The following RGP1 variants were observed in gnomAD, a reference collection of about 807,000 sequenced individuals.
RGP1 encodes RAB6A-GEF complex partner protein 2.
In RGP1, 28 loss-of-function variants were observed where a neutral mutation model predicts 44.5. The observed-to-expected ratio is 0.63, with a 90% CI of 0.47 to 0.86. RGP1 has a LOEUF of 0.86. Among genes scored for constraint, RGP1 ranks in the 40% least tolerant of loss-of-function variants. The probability of loss-of-function intolerance (pLI) is 0.00; values close to 1 mark genes in which losing one functional copy is unlikely to be tolerated. For synonymous variants in RGP1, 212 were observed against 196.7 expected, an observed-to-expected ratio of 1.08 and a Z score of -0.65; for missense variants, 417 against 490.7, an observed-to-expected ratio of 0.85 and a Z score of 1.42.
the RGP1 span, among the ~76,000 whole-genome samples, chr9:35,781,982 CGTT>C: frequency 8.2e-6 from 1 of 121,850 alleles, no homozygotes; most frequent in African/African-American, 3.2e-5. Context: ...TTATTTCTCT[CGTT>C]TTTTTTTTTT....
the RGP1 span, among the ~76,000 whole-genome samples, chr9:35,763,911 AAG>A: frequency 6.6e-6 from 1 of 150,678 alleles, no homozygotes; most frequent in Admixed American, 6.6e-5. Flanking sequence ...GAAAAGAGAA[AAG>A]AAAAAACTCA....
chr9:35,751,292 G>C lies in RGP1; in HGVS notation c.514G>C (p.Asp172His), dbSNP rs1006684816. 1.9e-6 allele frequency: 3 copies of C among 1,613,846 alleles called. No individual in the cohort carries two copies. The African/African-American group carries it at 4.0e-5, about 22-fold the overall frequency. The change falls in exon 6 of 9, where the codon GAT becomes CAT. Residue 172 changes from aspartate (D) to histidine (H), a missense_variant. By Grantham distance (81) the Asp-to-His change is moderately conservative. Transcript: ENST00000378078. ...CCTTCAGGATGTCCGGTTTCCCCAG[G>C]ATGAGGCTGTAGCCCCATCCAGTCC... Reference protein sequence around the residue: ...TGLQDVRFPQDEAVAPSSPFL... With the variant: ...TGLQDVRFPQHEAVAPSSPFL...
the RGP1 span, chr9:35,772,386 T>C: frequency 6.6e-6 from 1 of 152,130 alleles, no homozygotes; most frequent in Admixed American, 6.5e-5. Context: ...GGTAAGAGTT[T>C]TAAGTAGATG....
downstream of RGP1, among the ~76,000 whole-genome samples, chr9:35,760,163 G>T (rs752936052): frequency 2.0e-5 from 3 of 151,254 alleles, no homozygotes; most frequent in Admixed American, 6.6e-5. Context: ...GATTTCTGGG[G>T]TCTCAAAAGT....
At position 35,753,505 on chromosome 9, in the gene RGP1, C is replaced by G. The variant is rs1827307298; in HGVS notation, c.*631C>G. Reference sequence around the variant, plus strand: ...ACCTCCCCTGATTTATAGCCTGAAGCCTTATCTTTCACACTAGTGTTGGTC... The same window carrying G: ...ACCTCCCCTGATTTATAGCCTGAAGGCTTATCTTTCACACTAGTGTTGGTC... On this transcript the variant is annotated 3_prime_UTR_variant, in exon 9 of 9. Transcript: ENST00000378078. This position sits in a 1 kb window ranked among gnomAD's most constrained non-coding sequence, Gnocchi z 4.2. 5.2e-6 allele frequency: 4 copies of G among 776,344 alleles called. No individual in the cohort carries two copies. The highest frequency in any genetic ancestry group is 2.7e-4 in the Middle Eastern group (1 of 3,702). 48.1% of individuals were successfully genotyped at this position (776,344 alleles called of 1,614,324 possible). A position where few individuals can be genotyped will look rare whatever the true frequency, so the allele number is the denominator to read the frequency against.
the RGP1 span, among the ~76,000 whole-genome samples, chr9:35,768,830 A>G: frequency 2.6e-5 from 4 of 152,326 alleles, no homozygotes; most frequent in South Asian, 8.3e-4. Flanking sequence ...TATCTGAGAG[A>G]CTGAGCAGTT....
rs767407678 is a variant in RGP1 at position 35,749,815 on chromosome 9, G to A, written c.60G>A (p.Leu20=). The change falls in exon 2 of 9, where the codon CTG becomes CTA. Residue 20 remains leucine, a synonymous_variant. Transcript: ENST00000378078. The surrounding 1 kb of genome is among the most constrained non-coding windows in gnomAD (Gnocchi z 4.4). ...RGPVFLAGEA[L]ECVVTVTNPL... is the part of the protein sequence containing the mutation. ...CTGTATTTTTGGCTGGGGAGGCGCT[G>A]GAGTGTGTAGTGACCGTCACCAACC... is the stretch of plus-strand genomic sequence containing the variant. 6.2e-6 allele frequency: 10 copies of A among 1,613,968 alleles called. No homozygotes were observed. The highest frequency in any genetic ancestry group is 7.6e-6 in the Non-Finnish European group (9 of 1,179,840).
Position 35,755,257 on chromosome 9 carries a change from T to C in RGP1, c.*2383T>C, listed in dbSNP as rs1300601760. 1 of 152,244 alleles carries C rather than the reference T, an allele frequency of 6.6e-6. No individual in the cohort carries two copies. Among genetic ancestry groups the C allele is most frequent in the Non-Finnish European group, 1.5e-5 (1 of 68,058 alleles). 9.4% of individuals were successfully genotyped at this position (152,244 alleles called of 1,614,324 possible). A position where few individuals can be genotyped will look rare whatever the true frequency, so the allele number is the denominator to read the frequency against. On this transcript the variant is annotated 3_prime_UTR_variant, in exon 9 of 9. Transcript: ENST00000378078. ...GCTGTTATGAGGATTACTGAGATAA[T>C]GCGTGCAGTGCTCTTATCACCATCT...
Position 35,753,355 on chromosome 9 carries a change from C to G in RGP1, c.*481C>G. ...TTATCCCTGCCCACATGTTCCCTCT[C>G]TCACAGTTTTCCCCCCACAGAGCCC... On this transcript the variant is annotated 3_prime_UTR_variant, in exon 9 of 9. Coordinates refer to ENST00000378078, the MANE Select transcript of RGP1 (RefSeq NM_001080496.3). This position sits in a 1 kb window ranked among gnomAD's most constrained non-coding sequence, Gnocchi z 4.2. 6.6e-7 allele frequency: 1 copy of G among 1,512,392 alleles called. No homozygotes were observed. The highest frequency in any genetic ancestry group is 1.4e-5 in the African/African-American group (1 of 73,020). 93.7% of individuals were successfully genotyped at this position (1,512,392 alleles called of 1,614,324 possible).
Position 35,752,635 on chromosome 9 carries a change from T to C in RGP1, c.953-16T>C. ...CTAGCTTCTGATGCTTCTACCTTAA[T>C]CTTTTTCTTCCATAGTGTCCTTGAA... is the stretch of plus-strand genomic sequence containing the variant. On this transcript the variant is annotated splice_polypyrimidine_tract_variant and intron_variant, in intron 8 of 8. Transcript: ENST00000378078. 6.3e-7 allele frequency: 1 copy of C among 1,590,254 alleles called. No homozygotes were observed. Among genetic ancestry groups the C allele is most frequent in the Non-Finnish European group, 8.6e-7 (1 of 1,165,056 alleles).
chr9:35,769,139 AG>A, the RGP1 span, among the ~76,000 whole-genome samples: 1 of 152,260 alleles, frequency 6.6e-6, no homozygotes, highest in East Asian at 1.9e-4. Context: ...ACTCAGCTGC[AG>A]GGGCACTGCG....
the RGP1 span, among the ~76,000 whole-genome samples, chr9:35,777,273 G>A: frequency 6.6e-6 from 1 of 150,656 alleles, no homozygotes; most frequent in Non-Finnish European, 1.5e-5. Flanking sequence ...GGGACTACAG[G>A]TGCCCACCAC....
chr9:35,775,257 C>T, the RGP1 span, among the ~76,000 whole-genome samples: 1 of 152,164 alleles, frequency 6.6e-6, no homozygotes, highest in African/African-American at 2.4e-5. Context: ...AGAGAATTAG[C>T]TGGCTGTGAA....
intron 3 of RGP1, 112 bp downstream of exon 3, chr9:35,750,491 G>T (rs907879259): frequency 1.5e-6 from 2 of 1,375,398 alleles, no homozygotes; most frequent in Admixed American, 1.9e-5. Context: ...TCCCTGTCAT[G>T]CTGGGGATGT....
At chr9:35,751,796 G>A in intron 7 of RGP1, 42 bp downstream of exon 7, 2 of 1,613,112 alleles carry the variant, frequency 1.2e-6, no homozygotes, top group Non-Finnish European at 1.7e-6. Flanking sequence ...GGGTGCTGGG[G>A]TTGAAGGGCT....
At chr9:35,774,298 C>T in the RGP1 span, among the ~76,000 whole-genome samples, 1 of 152,230 alleles carries the variant, frequency 6.6e-6, no homozygotes, top group East Asian at 1.9e-4. Context: ...CTGTGCTCAG[C>T]TCTGGTCAGG....
chr9:35,751,733 A>G lies in RGP1; in HGVS notation c.741A>G (p.Glu247=). Residue 247 remains glutamate (E), a synonymous_variant, in exon 7 of 9, where the codon GAA becomes GAG. Transcript: ENST00000378078. ...TGGTGGGGACCTTAAACTTAGGGGAAGGAACCGTAGCTTGTTTGCAGGTAA... is the reference window on the plus strand; with the variant it reads ...TGGTGGGGACCTTAAACTTAGGGGAGGGAACCGTAGCTTGTTTGCAGGTAA... ...EDVVGTLNLG[E]GTVACLQFSV... 6.2e-7 allele frequency: 1 copy of G among 1,613,958 alleles called. No homozygotes were observed.
At chr9:35,769,411 G>T in the RGP1 span, among the ~76,000 whole-genome samples, 2 of 152,048 alleles carry the variant, frequency 1.3e-5, no homozygotes, top group African/African-American at 4.8e-5. Flanking sequence ...TATTGAGTCT[G>T]TTATGCCATG....
At chr9:35,759,603 A>ATTC (rs955582110), downstream of RGP1, among the ~76,000 whole-genome samples, 1 of 128,000 alleles carries the variant, frequency 7.8e-6, no homozygotes, top group African/African-American at 2.8e-5. Flanking sequence ...AAAAAAAAGA[A>ATTC]TTCTTTGCTA....
Sources: allele counts gnomAD v4.1 joint callset (sites outside exome capture counted in the v4.1 genomes callset), GRCh38; gene constraint gnomAD v4.1.1; non-coding constraint Gnocchi (gnomAD v3.1); transcripts MANE v1.5; gene names NCBI Gene and HGNC (gene_info 2026-07-23, HGNC 2026-07-21).